The following HERC4 variants were observed in gnomAD, a reference collection of about 807,000 sequenced individuals.
HERC4 encodes the protein HECT and RLD domain containing E3 ubiquitin protein ligase 4, also known as probable E3 ubiquitin-protein ligase HERC4.
A neutral mutation model predicts 124.3 loss-of-function variants in HERC4; 28 were observed. That is an observed-to-expected ratio of 0.23 (90% confidence interval 0.17 to 0.31). The LOEUF (loss-of-function observed/expected upper bound fraction) is 0.31, where lower values mean the gene tolerates loss of function less well. HERC4 is among the 10% of genes least tolerant of loss of function. The pLI is 1.00. For synonymous variants in HERC4, 407 were observed against 421.5 expected (o/e 0.97, Z 0.42); for missense variants, 713 against 1,229.3 (o/e 0.58, Z 6.28).
intron 23 of HERC4, among the ~76,000 whole-genome samples, chr10:67,926,144 C>T (rs1467968837): frequency 2.0e-5 from 3 of 152,154 alleles, no homozygotes; most frequent in Non-Finnish European, 4.4e-5. Flanking sequence ...CCTATAATCC[C>T]AGCACTTTGG....
At position 68,031,417 on chromosome 10, in the gene HERC4, T is replaced by TA. The variant is rs1387090676; in HGVS notation, c.777+1360dup. ...TTTAAGACTCGCCAACAGGAATAAATAAGACTTCAGTGATTACATTTGTTA... is the reference window on the plus strand; with the variant it reads ...TTTAAGACTCGCCAACAGGAATAAATAAAGACTTCAGTGATTACATTTGTTA... On this transcript the variant is annotated intron_variant, in intron 7 of 24. Transcript: ENST00000373700. Among the ~76,000 whole-genome samples, 5 of 152,246 alleles carry TA rather than the reference T, an allele frequency of 3.3e-5. No individual in the cohort carries two copies. The East Asian group carries it at 9.6e-4, about 29-fold the overall frequency.
chr10:68,018,158 C>T (rs1310441688), intron 8 of HERC4, among the ~76,000 whole-genome samples: 1 of 151,336 alleles, frequency 6.6e-6, no homozygotes, highest in African/African-American at 2.4e-5. Flanking sequence ...AAATCAAACC[C>T]AGCACCAAAC....
chr10:68,021,045 A>C (rs679645), intron 8 of HERC4, among the ~76,000 whole-genome samples: 1,319 of 115,684 alleles, frequency 0.011, 28 homozygotes, highest in African/African-American at 0.048. Flanking sequence ...AGTAATAGCC[A>C]AAAACTCCCA....
intron 3 of HERC4, among the ~76,000 whole-genome samples, chr10:68,053,205 C>T (rs1272935754): frequency 2.0e-5 from 3 of 152,156 alleles, no homozygotes; most frequent in African/African-American, 7.2e-5. Flanking sequence ...AAGGTTCCTG[C>T]AAGCCTCTGG....
intron 15 of HERC4, chr10:67,988,259 C>T (rs1280837241): frequency 1.3e-5 from 2 of 152,582 alleles, no homozygotes; most frequent in Admixed American, 1.3e-4. Flanking sequence ...CATTAGTACC[C>T]TACAGCAAAA....
At chr10:67,959,420 T>C (rs890343068) in intron 16 of HERC4, among the ~76,000 whole-genome samples, 17 of 152,072 alleles carry the variant, frequency 1.1e-4, no homozygotes, top group Admixed American at 6.6e-5. Context: ...ATTTGCAGAA[T>C]TTAGGCAGAA....
chr10:68,030,983 C>T (rs1433615216), intron 7 of HERC4, among the ~76,000 whole-genome samples: 7 of 152,138 alleles, frequency 4.6e-5, no homozygotes, highest in Admixed American at 3.9e-4. Flanking sequence ...TTTACTATTT[C>T]CAAGAAATTC....
At chr10:68,004,444 G>A (rs1195630443) in intron 9 of HERC4, among the ~76,000 whole-genome samples, 1 of 152,148 alleles carries the variant, frequency 6.6e-6, no homozygotes, top group South Asian at 2.1e-4. Context: ...CTGTGCTTGT[G>A]GGGTATCACT....
intron 8 of HERC4, among the ~76,000 whole-genome samples, chr10:68,022,586 A>G (rs1239357618): frequency 6.6e-6 from 1 of 151,988 alleles, no homozygotes; most frequent in African/African-American, 2.4e-5. Context: ...GTAAAACTAT[A>G]AAACTCTAAG....
At chr10:67,941,341 T>C (rs1035785354) in intron 19 of HERC4, among the ~76,000 whole-genome samples, 1 of 151,016 alleles carries the variant, frequency 6.6e-6, no homozygotes, top group Non-Finnish European at 1.5e-5. Flanking sequence ...AATCGTACTA[T>C]ACATACGACT....
At chr10:68,030,161 C>T (rs1206416187) in intron 7 of HERC4, among the ~76,000 whole-genome samples, 6 of 151,884 alleles carry the variant, frequency 4.0e-5, no homozygotes, top group South Asian at 2.1e-4. Flanking sequence ...CATATAAGGC[C>T]GGGTGCAGGA....
intron 15 of HERC4, among the ~76,000 whole-genome samples, chr10:67,979,700 G>T (rs2035811089): frequency 6.6e-6 from 1 of 151,900 alleles, no homozygotes; most frequent in African/African-American, 2.4e-5. Context: ...AACAGAAAGA[G>T]AAAAAAACAA....
chr10:68,038,035 ATC>A, intron 5 of HERC4, 56 bp downstream of exon 5: 1 of 961,230 alleles, frequency 1.0e-6, no homozygotes. Flanking sequence ...TATATGCACA[ATC>A]AAAAAAGTAT....
chr10:68,032,917 T>A, intron 6 of HERC4, 48 bp from the exon 7 acceptor site: 1 of 956,960 alleles, frequency 1.0e-6, no homozygotes, highest in Non-Finnish European at 1.7e-6. Flanking sequence ...AAATCAAAAC[T>A]CATCTAGATG....
rs1295405837 is a variant in HERC4, at chr10:67,936,185, A to C, written c.2622T>G (p.Asn874Lys). ...GTTTGTTAACAGCTGTGTCTGCACC[A>C]TTTAGAACCAGCTCTTTCACTTCTG... ...GATEVKELVL[N>K]GADTAVNKQN... The change falls in exon 22 of 25, where the codon AAT becomes AAG. Residue 874 changes from asparagine (N) to lysine (K), a missense_variant. Asn to Lys is a moderately conservative substitution (Grantham distance 94). Transcript: ENST00000373700. 9 of 1,603,904 alleles carry C rather than the reference A, an allele frequency of 5.6e-6. No homozygotes were observed. The highest frequency in any genetic ancestry group is 7.7e-6 in the Non-Finnish European group (9 of 1,176,446).
intron 3 of HERC4, 86 bp downstream of exon 3, chr10:68,072,797 T>C: frequency 1.1e-6 from 1 of 922,746 alleles, no homozygotes; most frequent in Non-Finnish European, 1.6e-6. Flanking sequence ...AAACATATAG[T>C]TACAACTAGA....
In HERC4 at chr10:68,037,091, C is replaced by CTT. The variant is rs35105661; in HGVS notation, c.463+1000_463+1001dup. Among the ~76,000 whole-genome samples the CTT allele has an allele frequency of 6.1e-3, 657 of 106,878 alleles. 8 individuals carry two copies. Among genetic ancestry groups the CTT allele is most frequent in the African/African-American group, 0.021 (556 of 26,172 alleles). 70.1% of individuals were successfully genotyped at this position (106,878 alleles called of 152,430 possible). ...ATGGAGCAAATGGAACCTATTTCTT[C>CTT]TTTTTTTTTTTTTTTTTTTTTGAGA... On this transcript the variant is annotated intron_variant, in intron 5 of 24. Transcript: ENST00000373700.
rs772889912 is a variant in HERC4, at chr10:67,923,033, A to T, written c.3048T>A (p.Thr1016=). ...GGEEYLPVSH[T]CFNLLDLPKY... is the part of the protein sequence containing the mutation. ...TTGGAAGATCCAGAAGATTAAAACA[A>T]GTATGGGAAACTGGGAGATACTCCT... Residue 1016 remains threonine (T), a synonymous_variant, in exon 25 of 25, where the codon ACT becomes ACA. Transcript: ENST00000373700. The T allele has an allele frequency of 3.1e-6, 5 of 1,613,712 alleles. No homozygotes were observed. The highest frequency in any genetic ancestry group is 4.2e-6 in the Non-Finnish European group (5 of 1,179,720).
At chr10:68,049,960 A>G (rs1396152241) in intron 3 of HERC4, among the ~76,000 whole-genome samples, 1 of 152,102 alleles carries the variant, frequency 6.6e-6, no homozygotes, top group African/African-American at 2.4e-5. Flanking sequence ...TAATCCCAGT[A>G]CTTTGGAAGG....
Sources: gnomAD v4.1 joint callset for allele counts (sites outside exome capture counted in the v4.1 genomes callset) on GRCh38, gnomAD v4.1.1 for gene constraint, MANE v1.5 for transcripts, NCBI Gene and HGNC (gene_info 2026-07-23, HGNC 2026-07-21) for gene names.